Variants in LRMDA observed in about 807,000 individuals in gnomAD.
LRMDA encodes leucine-rich melanocyte differentiation-associated protein.
LRMDA carries 18 observed loss-of-function variants against 29.8 expected under a neutral mutation model. The observed-to-expected ratio is 0.60, with a 90% confidence interval of 0.42 to 0.90. The LOEUF is 0.90. LRMDA is among the 40% of genes least tolerant of loss of function. LRMDA has a pLI of 0.00. For synonymous variants in LRMDA, 125 were observed against 109.4 expected (o/e 1.14, Z -0.89); for missense variants, 273 against 273.9 (o/e 1.00, Z 0.02).
At chr10:75,743,686 G>A (rs1217185137) in intron 2 of LRMDA, 2 of 152,166 alleles carry the variant, frequency 1.3e-5, no homozygotes, top group Admixed American at 1.3e-4. Context: ...AAGAAGGAGA[G>A]ATGAGGCAAA....
chr10:75,520,383 C>T (rs1434857676), intron 2 of LRMDA, among the ~76,000 whole-genome samples: 3 of 152,122 alleles, frequency 2.0e-5, no homozygotes, highest in Admixed American at 1.3e-4. Flanking sequence ...TTTCTTTTTA[C>T]TCTTTTTTGT....
At chr10:76,180,961 T>C (rs1313665117) in intron 5 of LRMDA, among the ~76,000 whole-genome samples, 1 of 152,160 alleles carries the variant, frequency 6.6e-6, no homozygotes, top group African/African-American at 2.4e-5. Flanking sequence ...GGTTACCCTG[T>C]CACTCTGGGT....
intron 5 of LRMDA, among the ~76,000 whole-genome samples, chr10:76,089,105 G>A (rs1288077505): frequency 6.6e-6 from 1 of 152,202 alleles, no homozygotes; most frequent in East Asian, 1.9e-4. Flanking sequence ...CAAATTAGTT[G>A]TAATGAATAG....
At chr10:75,510,753 G>C (rs1160750099) in intron 2 of LRMDA, among the ~76,000 whole-genome samples, 2 of 152,190 alleles carry the variant, frequency 1.3e-5, no homozygotes, top group African/African-American at 4.8e-5. Flanking sequence ...AGGTGGGGGT[G>C]TTGGCCATGG....
At chr10:75,538,297 G>T (rs1839976414) in intron 2 of LRMDA, among the ~76,000 whole-genome samples, 1 of 152,152 alleles carries the variant, frequency 6.6e-6, no homozygotes, top group Non-Finnish European at 1.5e-5. Flanking sequence ...ACTGAAAGCG[G>T]TGCAGCGATT....
intron 6 of LRMDA, among the ~76,000 whole-genome samples, chr10:76,380,060 G>C (rs1841571026): frequency 6.6e-6 from 1 of 152,094 alleles, no homozygotes; most frequent in East Asian, 1.9e-4. Context: ...TTATTCTACT[G>C]TGGTCCAATA....
chr10:76,558,032 A>G lies in LRMDA; in HGVS notation c.*744A>G, dbSNP rs1308047912. The G allele has an allele frequency of 6.6e-6, 1 of 152,228 alleles. No homozygotes were observed. The highest frequency in any genetic ancestry group is 2.4e-5 in the African/African-American group (1 of 41,456). 9.4% of individuals were successfully genotyped at this position (152,228 alleles called of 1,614,324 possible). On this transcript the variant is annotated 3_prime_UTR_variant, in exon 7 of 7. Coordinates refer to ENST00000611255, the MANE Select transcript of LRMDA (RefSeq NM_001305581.2). ...AAAGCGTGGACTTTTATCTTGTTTC[A>G]TTCAACTCTAAATCCACTTCTTGCC... is the stretch of plus-strand genomic sequence containing the variant.
At chr10:76,001,297 G>A (rs375295451) in intron 2 of LRMDA, among the ~76,000 whole-genome samples, 14 of 152,244 alleles carry the variant, frequency 9.2e-5, no homozygotes, top group African/African-American at 3.4e-4. Context: ...GTTTTCCCAG[G>A]CTGGATTTCC....
intron 2 of LRMDA, among the ~76,000 whole-genome samples, chr10:75,903,910 T>G (rs1845718328): frequency 6.6e-6 from 1 of 152,244 alleles, no homozygotes; most frequent in Admixed American, 6.5e-5. Flanking sequence ...AACTTCAGCT[T>G]CTTCGCAAAT....
At chr10:76,303,487 C>T (rs937862589) in intron 5 of LRMDA, among the ~76,000 whole-genome samples, 2 of 152,158 alleles carry the variant, frequency 1.3e-5, no homozygotes, top group Non-Finnish European at 2.9e-5. Context: ...ACTTGCTGGG[C>T]ACTATCTGTG....
intron 5 of LRMDA, among the ~76,000 whole-genome samples, chr10:76,287,693 C>A (rs1840289656): frequency 6.6e-6 from 1 of 152,082 alleles, no homozygotes; most frequent in Admixed American, 6.6e-5. Context: ...CACTCTCTGG[C>A]AACACCATCA....
At chr10:75,752,631 G>A (rs1842982430) in intron 2 of LRMDA, among the ~76,000 whole-genome samples, 1 of 152,166 alleles carries the variant, frequency 6.6e-6, no homozygotes, top group Non-Finnish European at 1.5e-5. Context: ...GGGTCATGGT[G>A]GTTTGTTCCT....
intron 2 of LRMDA, among the ~76,000 whole-genome samples, chr10:75,947,563 C>T (rs889206261): frequency 6.6e-6 from 1 of 152,220 alleles, no homozygotes; most frequent in African/African-American, 2.4e-5. Context: ...ATGAGCCTGA[C>T]TTTGAGTCCT....
intron 5 of LRMDA, among the ~76,000 whole-genome samples, chr10:76,132,702 G>A (rs1164054040): frequency 6.6e-6 from 1 of 152,174 alleles, no homozygotes. Context: ...CGGAGTACGA[G>A]TATCGGAGGA....
chr10:76,306,259 C>T (rs775669536), intron 5 of LRMDA, among the ~76,000 whole-genome samples: 19 of 152,210 alleles, frequency 1.2e-4, no homozygotes, highest in Non-Finnish European at 8.8e-5. Flanking sequence ...GGTTCTTCTT[C>T]AGATTTTAGC....
intron 2 of LRMDA, among the ~76,000 whole-genome samples, chr10:75,860,417 G>A (rs1382559684): frequency 6.9e-6 from 1 of 145,928 alleles, no homozygotes; most frequent in Non-Finnish European, 1.5e-5. Flanking sequence ...TGCCTCCCAG[G>A]TTCAAGTGAT....
intron 5 of LRMDA, among the ~76,000 whole-genome samples, chr10:76,306,465 T>C (rs555979728): frequency 9.8e-5 from 15 of 152,310 alleles, no homozygotes; most frequent in African/African-American, 3.4e-4. Context: ...CCTAAGTCTG[T>C]AGGTCTTCAG....
intron 2 of LRMDA, among the ~76,000 whole-genome samples, chr10:76,017,727 G>C (rs992001145): frequency 1.4e-4 from 21 of 152,318 alleles, no homozygotes; most frequent in African/African-American, 3.8e-4. Flanking sequence ...CACTCAGGCA[G>C]CTGTGTTGGG....
At chr10:76,255,013 A>G (rs995172365) in intron 5 of LRMDA, among the ~76,000 whole-genome samples, 3 of 152,058 alleles carry the variant, frequency 2.0e-5, no homozygotes, top group African/African-American at 4.8e-5. Flanking sequence ...GACTTTCCCT[A>G]TTTTCACTCA....
Sources: allele counts gnomAD v4.1 joint callset (sites outside exome capture counted in the v4.1 genomes callset), GRCh38; gene constraint gnomAD v4.1.1; transcripts MANE v1.5; gene names NCBI Gene and HGNC (gene_info 2026-07-23, HGNC 2026-07-21).